ZMYM1: variants seen among roughly 807,000 people sequenced by gnomAD.
The protein encoded by ZMYM1 is zinc finger MYM-type containing 1, also known as zinc finger MYM-type protein 1.
Under a neutral mutation model 60.0 loss-of-function variants are expected in ZMYM1, and 39 were observed. That is an observed-to-expected ratio of 0.65 (90% CI 0.50 to 0.85). ZMYM1 has a LOEUF of 0.85. Ranked by LOEUF, ZMYM1 falls within the 40% of genes least tolerant of loss-of-function variation. The pLI, the probability that ZMYM1 is intolerant of heterozygous loss-of-function variation, is 0.00. For missense variants in ZMYM1, 1,171 were observed against 1,309.5 expected (o/e 0.89, Z 1.63); for synonymous variants, 413 against 454.0 (o/e 0.91, Z 1.15).
chr1:35,094,071 C>T lies in ZMYM1; in HGVS notation c.84C>T (p.Pro28=), dbSNP rs376519087. ...TGCTAGATGAAATTAAGACAGAACC[C>T]GACAATGCTCAAGTAAATATTTTCC... ...LGLLDEIKTE[P]DNAQEYCHRQ... The change falls in exon 2 of 10, where the codon CCC becomes CCT. Residue 28 remains proline (P), a synonymous_variant. Transcript: ENST00000359858. The T allele has an allele frequency of 1.4e-5, 22 of 1,608,114 alleles. No homozygotes were observed. Among genetic ancestry groups the T allele is most frequent in the Admixed American group, 8.5e-5 (5 of 59,160 alleles).
chr1:35,103,399 G>A (rs917430809), intron 4 of ZMYM1, among the ~76,000 whole-genome samples: 2 of 152,138 alleles, frequency 1.3e-5, no homozygotes, highest in Non-Finnish European at 2.9e-5. Flanking sequence ...TCAGGCTAGA[G>A]TGCAGTGACT....
At chr1:35,066,325 G>A (rs1370694914) in intron 1 of ZMYM1, among the ~76,000 whole-genome samples, 1 of 152,186 alleles carries the variant, frequency 6.6e-6, no homozygotes, top group Admixed American at 6.5e-5. Context: ...AGCCTCCCAA[G>A]TAGCTGGGAT....
intron 1 of ZMYM1, among the ~76,000 whole-genome samples, chr1:35,080,241 A>G (rs903933982): frequency 6.6e-6 from 1 of 151,486 alleles, no homozygotes; most frequent in African/African-American, 2.4e-5. Context: ...AGTTCCTTCT[A>G]CTAGCACTCT....
intron 1 of ZMYM1, among the ~76,000 whole-genome samples, chr1:35,061,593 G>A (rs1641876562): frequency 6.6e-6 from 1 of 151,630 alleles, no homozygotes; most frequent in African/African-American, 2.4e-5. Flanking sequence ...TGGCTAACAT[G>A]GTGAAACCCC....
chr1:35,113,885 T>C lies in ZMYM1; in HGVS notation c.2055T>C (p.Thr685=). The change falls in exon 10 of 10, where the codon ACT becomes ACC. Residue 685 remains threonine, a synonymous_variant. Transcript: ENST00000359858. ...IKERFLGFVD[T]EEMTGTHLHR... Reference sequence around the variant, plus strand: ...AAAGATTCTTGGGTTTTGTTGATACTGAGGAGATGACTGGGACCCACTTAC... The same window carrying C: ...AAAGATTCTTGGGTTTTGTTGATACCGAGGAGATGACTGGGACCCACTTAC... 6.2e-7 allele frequency: 1 copy of C among 1,613,896 alleles called. No individual in the cohort carries two copies. Among genetic ancestry groups the C allele is most frequent in the Non-Finnish European group, 8.5e-7 (1 of 1,179,892 alleles).
At chr1:35,094,242 C>T (rs1427536603) in intron 2 of ZMYM1, among the ~76,000 whole-genome samples, 159 bp downstream of exon 2, 1 of 152,144 alleles carries the variant, frequency 6.6e-6, no homozygotes, top group Non-Finnish European at 1.5e-5. Context: ...AGTGCCACTA[C>T]AAGTATATGT....
At chr1:35,088,454 A>ATGTGTGTGTGTG (rs764350525) in intron 1 of ZMYM1, among the ~76,000 whole-genome samples, 1 of 107,282 alleles carries the variant, frequency 9.3e-6, no homozygotes, top group African/African-American at 4.3e-5. Flanking sequence ...ATATATATAT[A>ATGTGTGTGTGTG]TGTGTGTGTG....
intron 6 of ZMYM1, among the ~76,000 whole-genome samples, 176 bp from the exon 7 acceptor site, chr1:35,110,118 A>G (rs1287281238): frequency 6.6e-6 from 1 of 152,170 alleles, no homozygotes. Context: ...TCATTTTCAG[A>G]TTTGCCAATA....
At chr1:35,087,321 C>A (rs571646815) in intron 1 of ZMYM1, among the ~76,000 whole-genome samples, 1 of 151,884 alleles carries the variant, frequency 6.6e-6, no homozygotes, top group African/African-American at 2.4e-5. Flanking sequence ...GTAGTTTGAA[C>A]CATCAGGGTT....
chr1:35,107,029 T>G (rs1643913104), intron 6 of ZMYM1, among the ~76,000 whole-genome samples: 1 of 151,598 alleles, frequency 6.6e-6, no homozygotes, highest in South Asian at 2.1e-4. Flanking sequence ...TTTTTTGTAT[T>G]TTTAGTAGAG....
At position 35,115,203 on chromosome 1, in the gene ZMYM1, C is replaced by A; in HGVS notation, c.3373C>A (p.Pro1125Thr). 1 of 1,605,104 alleles carries A rather than the reference C, an allele frequency of 6.2e-7. No homozygotes were observed. Among genetic ancestry groups the A allele is most frequent in the Non-Finnish European group, 8.5e-7 (1 of 1,177,784 alleles). The change falls in exon 10 of 10, where the codon CCT (proline) becomes ACT (threonine). Residue 1125 changes from proline to threonine, a missense_variant. Pro to Thr is a conservative substitution (Grantham distance 38, BLOSUM62 -1). Coordinates refer to ENST00000359858, the MANE Select transcript of ZMYM1 (RefSeq NM_024772.5). ...GGAGTTGGTAAATAAACTAATGGAG[C>A]CTGAAAGACTCAATGAAATTGTGGA... is the stretch of plus-strand genomic sequence containing the variant. ...EQELVNKLME[P>T]ERLNEIVEKF...
intron 1 of ZMYM1, among the ~76,000 whole-genome samples, chr1:35,064,787 C>T (rs933092611): frequency 2.7e-5 from 4 of 149,716 alleles, no homozygotes; most frequent in Non-Finnish European, 5.9e-5. Flanking sequence ...CCCGGGTTCA[C>T]GCCATTCTCC....
Position 35,114,305 on chromosome 1 carries a change from G to A in ZMYM1, c.2475G>A (p.Glu825=), listed in dbSNP as rs979232570. 2 of 1,613,718 alleles carry A rather than the reference G, an allele frequency of 1.2e-6. No homozygotes were observed. The highest frequency in any genetic ancestry group is 1.7e-6 in the Non-Finnish European group (2 of 1,179,822). ...TLLSVIDSLP[E]IIETLEVIAS... is the part of the protein sequence containing the mutation. ...TATCTGTGATTGACAGTCTTCCAGA[G>A]ATTATTGAAACATTGGAAGTTATAG... Residue 825 remains glutamate, a synonymous_variant, in exon 10 of 10, where the codon GAG becomes GAA. Coordinates refer to ENST00000359858, the MANE Select transcript of ZMYM1 (RefSeq NM_024772.5).
At chr1:35,078,390 C>T (rs1305667056), upstream of ZMYM1, among the ~76,000 whole-genome samples, 1 of 151,966 alleles carries the variant, frequency 6.6e-6, no homozygotes, top group Non-Finnish European at 1.5e-5. Context: ...GTTCATCATT[C>T]AACCTTATAT....
chr1:35,077,866 T>G (rs1449813562), upstream of ZMYM1, among the ~76,000 whole-genome samples: 3 of 152,196 alleles, frequency 2.0e-5, no homozygotes, highest in Non-Finnish European at 4.4e-5. Context: ...CTTTCTCTAT[T>G]GCAATTCCCC....
intron 1 of ZMYM1, among the ~76,000 whole-genome samples, chr1:35,065,953 A>C (rs1240946684): frequency 6.6e-6 from 1 of 152,202 alleles, no homozygotes; most frequent in Non-Finnish European, 1.5e-5. Context: ...ATGGACCAAG[A>C]GTTCAGAAAA....
At chr1:35,103,884 A>T (rs1339323145) in intron 4 of ZMYM1, among the ~76,000 whole-genome samples, 1 of 152,202 alleles carries the variant, frequency 6.6e-6, no homozygotes, top group African/African-American at 2.4e-5. Flanking sequence ...ATCTCTCATC[A>T]TCCCTCGGTT....
chr1:35,079,494 C>T (rs1233111486), intron 1 of ZMYM1, 52 bp downstream of exon 1: 1 of 152,216 alleles, frequency 6.6e-6, no homozygotes, highest in African/African-American at 2.4e-5. Context: ...GCGCCTTACT[C>T]GAAAGGGGCA....
chr1:35,105,195 C>T (rs1475350009), intron 6 of ZMYM1, among the ~76,000 whole-genome samples: 15 of 132,524 alleles, frequency 1.1e-4, no homozygotes, highest in Non-Finnish European at 1.7e-4. Context: ...AGTGCGGTGG[C>T]GCGATCTCGG....
Sources: gnomAD v4.1 joint callset for allele counts (sites outside exome capture counted in the v4.1 genomes callset) on GRCh38, gnomAD v4.1.1 for gene constraint, MANE v1.5 for transcripts, NCBI Gene and HGNC (gene_info 2026-07-23, HGNC 2026-07-21) for gene names.